TBCA: variants seen among roughly 807,000 people sequenced by gnomAD.
TBCA encodes the protein tubulin folding cofactor A.
In TBCA, 6 loss-of-function variants were observed where a neutral mutation model predicts 15.8. The observed-to-expected ratio is 0.38, with a 90% CI of 0.21 to 0.75. The LOEUF is 0.75. Among genes scored for constraint, TBCA ranks in the 30% least tolerant of loss-of-function variants. TBCA has a pLI of 0.46. For synonymous variants in TBCA, 32 were observed against 42.3 expected, an observed-to-expected ratio of 0.76 and a Z score of 0.94; for missense variants, 90 against 131.2, an observed-to-expected ratio of 0.69 and a Z score of 1.53.
At chr5:77,748,797 T>C (rs1747247212) in intron 1 of TBCA, among the ~76,000 whole-genome samples, 1 of 152,234 alleles carries the variant, frequency 6.6e-6, no homozygotes, top group African/African-American at 2.4e-5. Context: ...TAAAGTCAAT[T>C]AACACATATT....
At chr5:77,769,257 A>C (rs1412046777) in intron 1 of TBCA, among the ~76,000 whole-genome samples, 1 of 152,220 alleles carries the variant, frequency 6.6e-6, no homozygotes, top group Non-Finnish European at 1.5e-5. Flanking sequence ...TAAATTTCAA[A>C]GTAGGAAGGT....
intron 1 of TBCA, among the ~76,000 whole-genome samples, chr5:77,749,503 CCTAA>C (rs754773121): frequency 4.4e-4 from 67 of 152,242 alleles, no homozygotes; most frequent in African/African-American, 1.2e-3. Flanking sequence ...TTATGACATA[CCTAA>C]CTTTGTTTTA....
chr5:77,767,972 C>T (rs1370553210), intron 1 of TBCA, among the ~76,000 whole-genome samples: 1 of 152,120 alleles, frequency 6.6e-6, no homozygotes, highest in Admixed American at 6.5e-5. Context: ...GGATTAAGGC[C>T]CTTATAAAAG....
chr5:77,755,565 C>G (rs910558946), intron 1 of TBCA, among the ~76,000 whole-genome samples: 1 of 151,550 alleles, frequency 6.6e-6, no homozygotes, highest in Non-Finnish European at 1.5e-5. Context: ...CAGAGCGAGA[C>G]TCCATCTCAA....
chr5:77,749,604 T>C (rs1325635688), intron 1 of TBCA, among the ~76,000 whole-genome samples: 1 of 152,240 alleles, frequency 6.6e-6, no homozygotes, highest in Non-Finnish European at 1.5e-5. Flanking sequence ...GTATAAATCA[T>C]TAGTAGAACT....
chr5:77,767,519 T>C (rs1226213182), intron 1 of TBCA, among the ~76,000 whole-genome samples: 1 of 152,224 alleles, frequency 6.6e-6, no homozygotes, highest in South Asian at 2.1e-4. Flanking sequence ...ATAAACTTAA[T>C]GATAGTCCAA....
At chr5:77,757,472 G>C (rs964142153) in intron 1 of TBCA, among the ~76,000 whole-genome samples, 1 of 152,104 alleles carries the variant, frequency 6.6e-6, no homozygotes, top group Non-Finnish European at 1.5e-5. Flanking sequence ...TTCCTTGTTG[G>C]AAGCAAGTAA....
intron 1 of TBCA, among the ~76,000 whole-genome samples, chr5:77,775,519 C>A (rs543476545): frequency 2.2e-4 from 33 of 152,228 alleles, no homozygotes; most frequent in Non-Finnish European, 4.6e-4. Flanking sequence ...TGGGCACGTC[C>A]TTGGCAAAAT....
At chr5:77,692,905 T>G in intron 3 of TBCA, 1 of 1,215,166 alleles carries the variant, frequency 8.2e-7, no homozygotes, top group Non-Finnish European at 1.0e-6. Flanking sequence ...TTTTGAAACA[T>G]TAGATCTTTT....
chr5:77,706,826 A>AAAG (rs1414849098), intron 2 of TBCA, among the ~76,000 whole-genome samples: 1 of 150,606 alleles, frequency 6.6e-6, no homozygotes, highest in Non-Finnish European at 1.5e-5. Flanking sequence ...AAAAAAAAAA[A>AAAG]AAGAAAGAAA....
At chr5:77,725,060 A>AT (rs1746602056) in intron 1 of TBCA, among the ~76,000 whole-genome samples, 1 of 130,138 alleles carries the variant, frequency 7.7e-6, no homozygotes, top group Non-Finnish European at 1.7e-5. Flanking sequence ...AATGAGAGGT[A>AT]TTACCTGAGA....
chr5:77,721,074 T>G (rs1439505664), intron 1 of TBCA, among the ~76,000 whole-genome samples: 1 of 152,206 alleles, frequency 6.6e-6, no homozygotes, highest in African/African-American at 2.4e-5. Flanking sequence ...GAAGAAAATT[T>G]GGATGGAAAT....
At chr5:77,756,289 T>C (rs548007938) in intron 1 of TBCA, among the ~76,000 whole-genome samples, 1 of 152,254 alleles carries the variant, frequency 6.6e-6, no homozygotes, top group East Asian at 1.9e-4. Flanking sequence ...CCAGCTCCTA[T>C]ATGCATTTCC....
At chr5:77,723,211 C>G (rs963008859) in intron 1 of TBCA, among the ~76,000 whole-genome samples, 2 of 151,702 alleles carry the variant, frequency 1.3e-5, no homozygotes, top group Admixed American at 6.6e-5. Flanking sequence ...GATATACTAA[C>G]TGAATGGTAA....
chr5:77,768,219 T>C (rs1747829830), intron 1 of TBCA, among the ~76,000 whole-genome samples: 1 of 152,194 alleles, frequency 6.6e-6, no homozygotes, highest in Non-Finnish European at 1.5e-5. Context: ...TTAATGATAA[T>C]AATGAGAGCA....
intron 1 of TBCA, among the ~76,000 whole-genome samples, chr5:77,718,092 T>C (rs1746444635): frequency 6.6e-6 from 1 of 152,184 alleles, no homozygotes; most frequent in Admixed American, 6.5e-5. Flanking sequence ...ATCGCACAAC[T>C]GCACTCCAGC....
intron 1 of TBCA, among the ~76,000 whole-genome samples, chr5:77,753,961 G>T (rs1382552361): frequency 6.6e-6 from 1 of 152,082 alleles, no homozygotes; most frequent in African/African-American, 2.4e-5. Flanking sequence ...TCACCATGTT[G>T]GCCACGCTGG....
In TBCA at chr5:77,759,103, G is replaced by A. The variant is rs111515145; in HGVS notation, c.53+17102C>T. Reference sequence around the variant, plus strand: ...CCCTTTCCTGCCCACCTCATGCCTGGCTATAGCTACCTACTGTAACAATAA... The same window carrying A: ...CCCTTTCCTGCCCACCTCATGCCTGACTATAGCTACCTACTGTAACAATAA... On this transcript the variant is annotated intron_variant, in intron 1 of 3. Coordinates refer to ENST00000380377, the MANE Select transcript of TBCA (RefSeq NM_004607.3). 1.8e-3 allele frequency among the ~76,000 whole-genome samples: 279 copies of A among 152,264 alleles called. 1 individual carries two copies. Among genetic ancestry groups the A allele is most frequent in the Non-Finnish European group, 3.6e-3 (246 of 68,012 alleles).
chr5:77,695,536 C>A (rs1745853733), intron 2 of TBCA, among the ~76,000 whole-genome samples: 1 of 152,088 alleles, frequency 6.6e-6, no homozygotes, highest in African/African-American at 2.4e-5. Flanking sequence ...ACATCTTCAT[C>A]AAAGCCATAA....
Sources: gnomAD v4.1 joint callset for allele counts (sites outside exome capture counted in the v4.1 genomes callset) on GRCh38, gnomAD v4.1.1 for gene constraint, MANE v1.5 for transcripts, NCBI Gene and HGNC (gene_info 2026-07-23, HGNC 2026-07-21) for gene names.